PTCHD1: variants seen among roughly 807,000 people sequenced by gnomAD.
PTCHD1 encodes patched domain containing 1.
Under a neutral mutation model 34.6 loss-of-function variants are expected in PTCHD1, and 3 were observed. That is an observed-to-expected ratio of 0.09 (90% CI 0.04 to 0.22). PTCHD1 has a LOEUF of 0.22. Ranked by LOEUF, PTCHD1 falls within the 10% of genes least tolerant of loss-of-function variation. The pLI is 1.00. For missense variants in PTCHD1, 504 were observed against 685.5 expected, an observed-to-expected ratio of 0.74 and a Z score of 2.96; for synonymous variants, 305 against 283.1, an observed-to-expected ratio of 1.08 and a Z score of -0.77.
At chrX:23,334,787 T>TGCCGCC (rs879170954), upstream of PTCHD1, 1,871 of 351,520 alleles carry the variant, frequency 5.3e-3, 7 homozygotes, top group South Asian at 0.018. Context: ...CGGGCGCCGC[T>TGCCGCC]GCCGCCGCCG....
At chrX:23,335,747 T>C (rs1375900291) in intron 1 of PTCHD1, among the ~76,000 whole-genome samples, 2 of 111,168 alleles carry the variant, frequency 1.8e-5, no homozygotes, top group African/African-American at 6.6e-5. Flanking sequence ...GACAAAAGAA[T>C]GTGAGGCGGG....
rs911298245 is a variant in PTCHD1, at chrX:23,404,095, A to C, written c.*9910A>C. 8.9e-6 allele frequency: 1 copy of C among 112,298 alleles called. No individual in the cohort carries two copies. The highest frequency in any genetic ancestry group is 1.9e-5 in the Non-Finnish European group (1 of 53,305). 9.3% of individuals were successfully genotyped at this position (112,298 alleles called of 1,213,427 possible). On this transcript the variant is annotated 3_prime_UTR_variant, in exon 3 of 3. Transcript: ENST00000379361. ...GCACATCGAGTTTATACAATGTAGA[A>C]GCCCCCAAGTCACCTGGGAAATGGC...
intron 1 of PTCHD1, among the ~76,000 whole-genome samples, chrX:23,346,714 G>C (rs1367685435): frequency 8.9e-6 from 1 of 111,980 alleles, no homozygotes; most frequent in African/African-American, 3.3e-5. Context: ...TGGTAAAGGA[G>C]AGTCGTCAGT....
chrX:23,373,805 T>C (rs1293067288), intron 1 of PTCHD1, among the ~76,000 whole-genome samples: 1 of 111,932 alleles, frequency 8.9e-6, no homozygotes, highest in Non-Finnish European at 1.9e-5. Flanking sequence ...TTGCAGAATA[T>C]AGACCCAGAT....
At position 23,392,892 on chromosome X, in the gene PTCHD1, G is replaced by A; in HGVS notation, c.1374G>A (p.Arg458=). ...TGCAGGAGAAGCCGGCATGGTACAGGTTTCTCCTGACGGCCAGATTCAGTG... is the reference window on the plus strand; with the variant it reads ...TGCAGGAGAAGCCGGCATGGTACAGATTTCTCCTGACGGCCAGATTCAGTG... ...EALQEKPAWY[R]FLLTARFSED... is the part of the protein sequence containing the mutation. Residue 458 remains arginine, a synonymous_variant, in exon 3 of 3, where the codon AGG becomes AGA. Transcript: ENST00000379361. 1 of 1,212,117 alleles carries A rather than the reference G, an allele frequency of 8.3e-7. No individual in the cohort carries two copies. Among genetic ancestry groups the A allele is most frequent in the African/African-American group, 1.7e-5 (1 of 57,939 alleles).
Position 23,401,023 on chromosome X carries a change from T to TTTTGTGTGTGTGTGTGTGTGTGTG in PTCHD1, c.*6839_*6840insTTGTGTGTGTGTGTGTGTGTGTGT, listed in dbSNP as rs1555913125. ...GGTGCCCGCCACCGCGCCCGGCTAA[T>TTTTGTGTGTGTGTGTGTGTGTGTG]TGTGTGTGTGTGTGTGTGTGTGTGT... On this transcript the variant is annotated 3_prime_UTR_variant, in exon 3 of 3. Coordinates refer to ENST00000379361, the MANE Select transcript of PTCHD1 (RefSeq NM_173495.3). 1 of 94,486 alleles carries TTTTGTGTGTGTGTGTGTGTGTGTG rather than the reference T, an allele frequency of 1.1e-5. No individual in the cohort carries two copies. The highest frequency in any genetic ancestry group is 4.1e-5 in the African/African-American group (1 of 24,501). The allele number at this position is 94,486 out of a possible 1,213,427, so 7.8% of individuals were successfully genotyped here. A position where few individuals can be genotyped will look rare whatever the true frequency, so the allele number is the denominator to read the frequency against.
At chrX:23,340,506 C>T (rs1277646805) in intron 1 of PTCHD1, among the ~76,000 whole-genome samples, 3 of 112,237 alleles carry the variant, frequency 2.7e-5, no homozygotes, top group African/African-American at 9.7e-5. Flanking sequence ...CATCAGTCAG[C>T]AGCAGTCGCC....
intron 1 of PTCHD1, among the ~76,000 whole-genome samples, chrX:23,342,310 A>ATATAT (rs1921357058): frequency 3.1e-4 from 4 of 12,917 alleles, no homozygotes; most frequent in Non-Finnish European, 4.3e-4. Flanking sequence ...ATATATATAT[A>ATATAT]TTTTTTTTTT....
At position 23,335,141 on chromosome X, in the gene PTCHD1, C is replaced by T. The variant is rs1921129705; in HGVS notation, c.266C>T (p.Thr89Ile). The change falls in exon 1 of 3, where the codon ACC (threonine) becomes ATC (isoleucine). Residue 89 changes from threonine (T) to isoleucine (I), a missense_variant. Physicochemically the swap from Thr to Ile is moderately conservative, Grantham distance 89. Transcript: ENST00000379361. ...CACCGTCTCTACTCGGACCTGCAGACCCCCGGGCGCTACGGCCGGGTCATC... is the reference window on the plus strand; with the variant it reads ...CACCGTCTCTACTCGGACCTGCAGATCCCCGGGCGCTACGGCCGGGTCATC... ...SKHRLYSDLQ[T>I]PGRYGRVIVT... 4 of 1,211,784 alleles carry T rather than the reference C, an allele frequency of 3.3e-6. No homozygotes were observed. In the East Asian group the frequency reaches 8.9e-5, roughly 27 times the overall value.
At chrX:23,372,233 G>A (rs1922299816) in intron 1 of PTCHD1, among the ~76,000 whole-genome samples, 1 of 109,199 alleles carries the variant, frequency 9.2e-6, no homozygotes, top group African/African-American at 3.3e-5. Flanking sequence ...TTGCATTTAA[G>A]CAGGGAAGTA....
At position 23,335,220 on chromosome X, in the gene PTCHD1, C is replaced by G; in HGVS notation, c.345C>G (p.Ile115Met). Reference protein sequence around the residue: ...NMLDQHHTDLILKLHAAVTKI... With the variant: ...NMLDQHHTDLMLKLHAAVTKI... ...TGGACCAGCATCACACCGACCTGAT[C>G]TTAAAGGTGAGAGGGGACGGGTGCG... Residue 115 changes from isoleucine (I) to methionine (M), a missense_variant, in exon 1 of 3, where the codon ATC becomes ATG. By Grantham distance (10) the Ile-to-Met change is conservative. Coordinates refer to ENST00000379361, the MANE Select transcript of PTCHD1 (RefSeq NM_173495.3). 8.3e-7 allele frequency: 1 copy of G among 1,205,578 alleles called. No homozygotes were observed. The highest frequency in any genetic ancestry group is 1.8e-5 in the South Asian group (1 of 56,835).
In PTCHD1 at chrX:23,398,366, G is replaced by A. The variant is rs1666337539; in HGVS notation, c.*4181G>A. On this transcript the variant is annotated 3_prime_UTR_variant, in exon 3 of 3. Coordinates refer to ENST00000379361, the MANE Select transcript of PTCHD1 (RefSeq NM_173495.3). ...AGTCATTTTAGGACATCAAAATGAA[G>A]CTGATCACCACATAGTGGGGCCACT... The A allele has an allele frequency of 9.0e-6, 1 of 111,454 alleles. No homozygotes were observed. Among genetic ancestry groups the A allele is most frequent in the Non-Finnish European group, 1.9e-5 (1 of 53,080 alleles). 9.2% of individuals were successfully genotyped at this position (111,454 alleles called of 1,213,427 possible).
chrX:23,387,611 C>T (rs1056863212), intron 2 of PTCHD1, among the ~76,000 whole-genome samples: 1 of 111,872 alleles, frequency 8.9e-6, no homozygotes, highest in African/African-American at 3.2e-5. Context: ...TAAAATCACA[C>T]TCCCGGCCCA....
Position 23,342,266 on chromosome X carries a change from CTATATATATATATA to C in PTCHD1, c.351+7072_351+7085del, listed in dbSNP as rs1194698667. ...GCATTTTCATATGCTGTGTTTCTCC[CTATATATATATATA>C]TATATATATATATATATATATATAT... On this transcript the variant is annotated intron_variant, in intron 1 of 2. Coordinates refer to ENST00000379361, the MANE Select transcript of PTCHD1 (RefSeq NM_173495.3). Among the ~76,000 whole-genome samples the C allele has an allele frequency of 1.4e-3, 44 of 31,209 alleles. No individual in the cohort carries two copies. In the East Asian group the frequency reaches 0.024, roughly 17 times the overall value. The allele number at this position is 31,209 out of a possible 115,157, so 27.1% of individuals were successfully genotyped here.
chrX:23,350,079 A>AG (rs1921587066), intron 1 of PTCHD1, among the ~76,000 whole-genome samples: 1 of 106,122 alleles, frequency 9.4e-6, no homozygotes, highest in Non-Finnish European at 1.9e-5. Context: ...AAAAAAAAAA[A>AG]AAAAAAAAAA....
At chrX:23,377,262 C>T (rs1368159847) in intron 1 of PTCHD1, among the ~76,000 whole-genome samples, 1 of 112,456 alleles carries the variant, frequency 8.9e-6, no homozygotes, top group Non-Finnish European at 1.9e-5. Flanking sequence ...CTTAGGCATG[C>T]TTTCAATACC....
chrX:23,372,225 G>A (rs1161499874), intron 1 of PTCHD1, among the ~76,000 whole-genome samples: 1 of 108,929 alleles, frequency 9.2e-6, no homozygotes, highest in Admixed American at 9.8e-5. Context: ...AAAGATGATT[G>A]CATTTAAGCA....
At chrX:23,352,131 TC>T (rs1350900226) in intron 1 of PTCHD1, among the ~76,000 whole-genome samples, 1 of 112,005 alleles carries the variant, frequency 8.9e-6, no homozygotes, top group Non-Finnish European at 1.9e-5. Context: ...GCCTTGATTT[TC>T]ACAGGAGGGC....
chrX:23,372,532 C>T (rs1307112375), intron 1 of PTCHD1, among the ~76,000 whole-genome samples: 3 of 111,301 alleles, frequency 2.7e-5, no homozygotes, highest in Non-Finnish European at 5.7e-5. Context: ...AAATTGAAGC[C>T]TTCTGACTCC....
Sources: allele counts gnomAD v4.1 joint callset (sites outside exome capture counted in the v4.1 genomes callset), GRCh38; gene constraint gnomAD v4.1.1; transcripts MANE v1.5; gene names NCBI Gene and HGNC (gene_info 2026-07-23, HGNC 2026-07-21).